IFNLR1: variants seen among roughly 807,000 people sequenced by gnomAD.
IFNLR1 encodes the protein interferon lambda receptor 1.
IFNLR1 carries 28 observed loss-of-function variants against 52.5 expected under a neutral mutation model. The ratio of observed to expected loss-of-function variants is 0.53; its 90% confidence interval spans 0.40 to 0.73. IFNLR1 has a LOEUF of 0.73. Ranked by LOEUF, IFNLR1 falls within the 30% of genes least tolerant of loss-of-function variation. The pLI is 0.00. For missense variants in IFNLR1, 623 were observed against 659.1 expected (o/e 0.95, Z 0.60); for synonymous variants, 276 against 274.9 (o/e 1.00, Z -0.04).
chr1:24,169,886 T>C (rs955879337), intron 2 of IFNLR1, among the ~76,000 whole-genome samples: 1 of 152,184 alleles, frequency 6.6e-6, no homozygotes, highest in Non-Finnish European at 1.5e-5. Context: ...CTGTAATGCC[T>C]CCCTCACAGG....
At chr1:24,187,081 C>T (rs563985814) in intron 1 of IFNLR1, 110 bp downstream of exon 1, 3 of 631,690 alleles carry the variant, frequency 4.7e-6, no homozygotes, top group African/African-American at 1.9e-5. Flanking sequence ...GCACCCGGCT[C>T]GGGTGGCTGC....
intron 2 of IFNLR1, 98 bp downstream of exon 2, chr1:24,180,633 T>C: frequency 8.1e-7 from 1 of 1,231,104 alleles, no homozygotes. Context: ...AGCTAGCCAG[T>C]GCTGCCCACA....
chr1:24,162,902 TCCTTCCTTCCTTCC>T (rs1644476909), intron 3 of IFNLR1, among the ~76,000 whole-genome samples: 2 of 97,478 alleles, frequency 2.1e-5, no homozygotes, highest in African/African-American at 4.5e-5. Context: ...CTTCCTTCCT[TCCTTCCTTCCTTCC>T]TTTTCTTTCT....
chr1:24,180,508 G>A (rs1268665113), intron 2 of IFNLR1, among the ~76,000 whole-genome samples: 2 of 151,732 alleles, frequency 1.3e-5, no homozygotes, highest in Admixed American at 6.6e-5. Context: ...CCCCCGCCCC[G>A]GCAGACTGGT....
rs578207080 is a variant in IFNLR1 at position 24,177,557 on chromosome 1, C to T, written c.182+3174G>A. 3.3e-4 allele frequency among the ~76,000 whole-genome samples: 50 copies of T among 152,330 alleles called. 1 individual carries two copies. Among genetic ancestry groups the T allele is most frequent in the Non-Finnish European group, 6.0e-4 (41 of 68,040 alleles). On this transcript the variant is annotated intron_variant, in intron 2 of 6. Coordinates refer to ENST00000327535, the MANE Select transcript of IFNLR1 (RefSeq NM_170743.4). ...ATCCCACCATCTGCCACCTGCTTTC[C>T]AGCCAGCCTGGCAGCCAGTTGGGTT...
At chr1:24,174,758 C>G (rs936538037) in intron 2 of IFNLR1, among the ~76,000 whole-genome samples, 1 of 152,100 alleles carries the variant, frequency 6.6e-6, no homozygotes, top group African/African-American at 2.4e-5. Context: ...AACCTGGTTT[C>G]TTCTTACTGC....
In IFNLR1 at chr1:24,157,182, G is replaced by A; in HGVS notation, c.1511C>T (p.Thr504Ile). ...SDAGSWGAES[T>I]QRTEDRGRTL... is the part of the protein sequence containing the mutation. ...CCGGCCCCTGTCCTCGGTCCTCTGGGTGCTCTCAGCCCCCCAGCTGCCCGC... is the reference window on the plus strand; with the variant it reads ...CCGGCCCCTGTCCTCGGTCCTCTGGATGCTCTCAGCCCCCCAGCTGCCCGC... Residue 504 changes from threonine (T) to isoleucine (I), a missense_variant, in exon 7 of 7, where the codon ACC (threonine) becomes ATC (isoleucine). By Grantham distance (89) the Thr-to-Ile change is moderately conservative (BLOSUM62 -1). Transcript: ENST00000327535. The surrounding 1 kb of genome is among the most constrained non-coding windows in gnomAD (Gnocchi z 5.1). The A allele has an allele frequency of 8.1e-6, 13 of 1,614,064 alleles. No individual in the cohort carries two copies. The highest frequency in any genetic ancestry group is 1.0e-5 in the Non-Finnish European group (12 of 1,180,002).
At chr1:24,160,083 G>A (rs1644426672) in intron 4 of IFNLR1, among the ~76,000 whole-genome samples, 1 of 152,210 alleles carries the variant, frequency 6.6e-6, no homozygotes, top group South Asian at 2.1e-4. Flanking sequence ...CTTTTCAGCT[G>A]AGTCTAGAGG....
chr1:24,169,313 G>T, intron 3 of IFNLR1, 104 bp downstream of exon 3: 1 of 1,111,598 alleles, frequency 9.0e-7, no homozygotes, highest in Non-Finnish European at 1.3e-6. Flanking sequence ...CTGCTTTGGG[G>T]AAGTGGGAGA....
At chr1:24,172,774 C>G (rs1216920823) in intron 2 of IFNLR1, among the ~76,000 whole-genome samples, 1 of 152,102 alleles carries the variant, frequency 6.6e-6, no homozygotes, top group Non-Finnish European at 1.5e-5. Context: ...GTGGCTTCAG[C>G]AACAGAAATC....
At position 24,154,267 on chromosome 1, in the gene IFNLR1, G is replaced by A. The variant is rs1047589157; in HGVS notation, c.*2863C>T. 1 of 152,152 alleles carries A rather than the reference G, an allele frequency of 6.6e-6. No homozygotes were observed. The highest frequency in any genetic ancestry group is 2.4e-5 in the African/African-American group (1 of 41,418). 9.4% of individuals were successfully genotyped at this position (152,152 alleles called of 1,614,324 possible). A position where few individuals can be genotyped will look rare whatever the true frequency, so the allele number is the denominator to read the frequency against. ...ATATGACATAAACATAGAAAAAATAGAAATAAATACAAATACATAAGAACA... is the reference window on the plus strand; with the variant it reads ...ATATGACATAAACATAGAAAAAATAAAAATAAATACAAATACATAAGAACA... On this transcript the variant is annotated 3_prime_UTR_variant, in exon 7 of 7. Coordinates refer to ENST00000327535, the MANE Select transcript of IFNLR1 (RefSeq NM_170743.4).
At chr1:24,186,549 T>C (rs2148606099) in intron 1 of IFNLR1, among the ~76,000 whole-genome samples, 1 of 152,126 alleles carries the variant, frequency 6.6e-6, no homozygotes, top group East Asian at 1.9e-4. Flanking sequence ...CTGGGGGCGA[T>C]TTCTGGACCT....
Position 24,157,413 on chromosome 1 carries a change from G to C in IFNLR1, c.1280C>G (p.Pro427Arg). ...ACCCGAGTCCTTGGAGAATTCAGGT[G>C]GTGGGAGAGATTCTTGGTGCCCATC... The part of the protein sequence containing the change: ...GGDGHQESLP[P>R]PEFSKDSGFL... The change falls in exon 7 of 7, where the codon CCA becomes CGA. Residue 427 changes from proline to arginine, a missense_variant. Pro to Arg is a moderately radical substitution (Grantham distance 103). Coordinates refer to ENST00000327535, the MANE Select transcript of IFNLR1 (RefSeq NM_170743.4). The surrounding 1 kb of genome is among the most constrained non-coding windows in gnomAD (Gnocchi z 5.1). 6.2e-7 allele frequency: 1 copy of C among 1,614,214 alleles called. No homozygotes were observed. Among genetic ancestry groups the C allele is most frequent in the Non-Finnish European group, 8.5e-7 (1 of 1,180,028 alleles).
At chr1:24,162,954 TCTTTCCTC>T in intron 3 of IFNLR1, among the ~76,000 whole-genome samples, 1 of 122,682 alleles carries the variant, frequency 8.2e-6, no homozygotes, top group Non-Finnish European at 1.7e-5. Flanking sequence ...CTTTCTTCTT[TCTTTCCTC>T]TTTTTTTTTT....
rs1644359374 is a variant in IFNLR1 at position 24,154,515 on chromosome 1, A to G, written c.*2615T>C. 1.3e-5 allele frequency: 2 copies of G among 152,246 alleles called. No homozygotes were observed. The highest frequency in any genetic ancestry group is 2.1e-4 in the South Asian group (1 of 4,830). 9.4% of individuals were successfully genotyped at this position (152,246 alleles called of 1,614,324 possible). A position where few individuals can be genotyped will look rare whatever the true frequency, so the allele number is the denominator to read the frequency against. The stretch of plus-strand genomic sequence containing the variant: ...AAATGCTTCTCCTGGCTTTTTGTGA[A>G]TGACTTAATGACGATAAAGGAGATG... On this transcript the variant is annotated 3_prime_UTR_variant, in exon 7 of 7. Coordinates refer to ENST00000327535, the MANE Select transcript of IFNLR1 (RefSeq NM_170743.4).
chr1:24,177,977 T>C lies in IFNLR1; in HGVS notation c.182+2754A>G, dbSNP rs79722224. 5.5e-3 allele frequency among the ~76,000 whole-genome samples: 843 copies of C among 152,136 alleles called. 8 individuals carry two copies. Among genetic ancestry groups the C allele is most frequent in the African/African-American group, 0.013 (538 of 41,508 alleles). Reference sequence around the variant, plus strand: ...AGCACCCGTATAACTCATTAGGCATTTTATCTTAAAAATTATGTACATGTA... The same window carrying C: ...AGCACCCGTATAACTCATTAGGCATCTTATCTTAAAAATTATGTACATGTA... On this transcript the variant is annotated intron_variant, in intron 2 of 6. Transcript: ENST00000327535.
At position 24,162,849 on chromosome 1, in the gene IFNLR1, TTC is replaced by T. The variant is rs1569640889; in HGVS notation, c.368-1167_368-1166del. On this transcript the variant is annotated intron_variant, in intron 3 of 6. Coordinates refer to ENST00000327535, the MANE Select transcript of IFNLR1 (RefSeq NM_170743.4). ...TTCTTTCTTTTCTTTCTTTCTTTCT[TTC>T]TTTCTTTCTTTCTTTCTTTCTTTCT... Among the ~76,000 whole-genome samples the T allele has an allele frequency of 5.6e-5, 4 of 71,216 alleles. No individual in the cohort carries two copies. In the East Asian group the frequency reaches 2.3e-3, roughly 40 times the overall value. 46.7% of individuals were successfully genotyped at this position (71,216 alleles called of 152,430 possible). A position where few individuals can be genotyped will look rare whatever the true frequency, so the allele number is the denominator to read the frequency against.
At chr1:24,163,582 T>C (rs1569644538) in intron 3 of IFNLR1, among the ~76,000 whole-genome samples, 1 of 144,870 alleles carries the variant, frequency 6.9e-6, no homozygotes, top group Admixed American at 6.8e-5. Flanking sequence ...TCTCTTTCTT[T>C]TTTCTTTTTT....
At chr1:24,158,927 G>T in intron 6 of IFNLR1, 125 bp downstream of exon 6, 11 of 999,372 alleles carry the variant, frequency 1.1e-5, no homozygotes, top group South Asian at 1.6e-5. Flanking sequence ...CAGACACAAA[G>T]ATAGATGTTT....
Sources: gnomAD v4.1 joint callset for allele counts (sites outside exome capture counted in the v4.1 genomes callset) on GRCh38, gnomAD v4.1.1 for gene constraint, Gnocchi (gnomAD v3.1) non-coding constraint, MANE v1.5 for transcripts, NCBI Gene and HGNC (gene_info 2026-07-23, HGNC 2026-07-21) for gene names.